NCOA4: variants seen among roughly 807,000 people sequenced by gnomAD.
NCOA4 encodes nuclear receptor coactivator 4, also known as 70 kDa AR-activator.
NCOA4 carries 31 observed loss-of-function variants against 69.5 expected under a neutral mutation model. That is an observed-to-expected ratio of 0.45 (90% CI 0.34 to 0.60). The LOEUF is 0.60. Among genes scored for constraint, NCOA4 ranks in the 20% least tolerant of loss-of-function variants. The pLI, the probability that NCOA4 is intolerant of heterozygous loss-of-function variation, is 0.02. For synonymous variants in NCOA4, 228 were observed against 252.4 expected (o/e 0.90, Z 0.92); for missense variants, 600 against 719.2 (o/e 0.83, Z 1.90).
At chr10:46,025,190 C>G (rs1425848760) in intron 1 of NCOA4, among the ~76,000 whole-genome samples, 2 of 152,184 alleles carry the variant, frequency 1.3e-5, no homozygotes, top group Non-Finnish European at 2.9e-5. Context: ...GCCAATGATA[C>G]AAGTCCTGAA....
chr10:46,006,207 A>C lies in NCOA4; in HGVS notation c.*385T>G, dbSNP rs571841348. ...CTGTAGGGCAATTAAACGTTAGGGAAGTTTACTAGCTTTAGAATACATCAA... is the reference window on the plus strand; with the variant it reads ...CTGTAGGGCAATTAAACGTTAGGGACGTTTACTAGCTTTAGAATACATCAA... On this transcript the variant is annotated 3_prime_UTR_variant, in exon 10 of 10. Transcript: ENST00000581486. The C allele has an allele frequency of 4.5e-4, 114 of 254,778 alleles. No homozygotes were observed. Among genetic ancestry groups the C allele is most frequent in the Non-Finnish European group, 7.6e-5 (10 of 131,714 alleles). The allele number at this position is 254,778 out of a possible 1,614,324, so 15.8% of individuals were successfully genotyped here.
chr10:46,014,870 A>G lies in NCOA4; in HGVS notation c.355T>C (p.Ser119Pro). Residue 119 changes from serine (S) to proline (P), a missense_variant, in exon 4 of 10, where the codon TCT (serine) becomes CCT (proline). Coordinates refer to ENST00000581486, the MANE Select transcript of NCOA4 (RefSeq NM_001145263.2). ...TQNKDLANQV[S>P]VCLERLGSLT... ...GGTCATTACCTCTCCAGGCACACAG[A>G]GACTTGATTGGCTAGATCTTTGTTT... is the stretch of plus-strand genomic sequence containing the variant. 6.2e-7 allele frequency: 1 copy of G among 1,614,042 alleles called. No individual in the cohort carries two copies. The highest frequency in any genetic ancestry group is 8.5e-7 in the Non-Finnish European group (1 of 1,179,896).
intron 9 of NCOA4, among the ~76,000 whole-genome samples, chr10:46,008,562 C>T (rs1229438688): frequency 3.9e-5 from 6 of 152,158 alleles, no homozygotes; most frequent in African/African-American, 7.2e-5. Flanking sequence ...TTGCTTCTTA[C>T]GGATGAGCAA....
At chr10:46,012,121 C>CAAAA (rs1839271327) in intron 7 of NCOA4, among the ~76,000 whole-genome samples, 3 of 100,146 alleles carry the variant, frequency 3.0e-5, no homozygotes, top group Admixed American at 1.0e-4. Flanking sequence ...AGAAAATACT[C>CAAAA]AACCTCCTTA....
rs1590141803 is a variant in NCOA4 at position 46,005,712 on chromosome 10, T to A, written c.*880A>T. On this transcript the variant is annotated 3_prime_UTR_variant, in exon 10 of 10. Transcript: ENST00000581486. ...TTTATCCCTACTTAAAAGCACCAGG[T>A]GTCAAGCTCAGCTTCCATTTACACA... 1 of 217,202 alleles carries A rather than the reference T, an allele frequency of 4.6e-6. No homozygotes were observed. The highest frequency in any genetic ancestry group is 2.3e-5 in the African/African-American group (1 of 44,424). 13.5% of individuals were successfully genotyped at this position (217,202 alleles called of 1,614,324 possible). A position where few individuals can be genotyped will look rare whatever the true frequency, so the allele number is the denominator to read the frequency against.
Position 46,011,500 on chromosome 10 carries a change from C to T in NCOA4, c.715-294G>A, listed in dbSNP as rs539335595. On this transcript the variant is annotated intron_variant, in intron 7 of 9. Coordinates refer to ENST00000581486, the MANE Select transcript of NCOA4 (RefSeq NM_001145263.2). ...CCGTGTTAGCCAGGATGGTCTCGAT[C>T]TCCTGACCTCGTGATCCGCCCACCT... 3.3e-5 allele frequency among the ~76,000 whole-genome samples: 5 copies of T among 151,144 alleles called. No individual in the cohort carries two copies. The East Asian group carries it at 1.0e-3, about 30-fold the overall frequency.
At chr10:46,021,493 TAGTGTATTATCAC>T (rs2132365165) in intron 1 of NCOA4, among the ~76,000 whole-genome samples, 1 of 152,316 alleles carries the variant, frequency 6.6e-6, no homozygotes, top group Admixed American at 6.5e-5. Context: ...GTTCTTCCTT[TAGTGTATTATCAC>T]CTGTAAAGTA....
Position 46,023,589 on chromosome 10 carries a change from G to A in NCOA4, c.-14-6895C>T, listed in dbSNP as rs550892945. 1,529 of 931,204 alleles carry A rather than the reference G, an allele frequency of 1.6e-3. 6 individuals are homozygous for A. The highest frequency in any genetic ancestry group is 4.2e-3 in the South Asian group (86 of 20,270). 57.7% of individuals were successfully genotyped at this position (931,204 alleles called of 1,614,324 possible). ...GCCCCCCTGCAGCTCCCTCCCCGCT[G>A]GGCCTCCCTGCTAGACGCCTGCTGC... is the stretch of plus-strand genomic sequence containing the variant. On this transcript the variant is annotated intron_variant, in intron 1 of 9. Coordinates refer to ENST00000581486, the MANE Select transcript of NCOA4 (RefSeq NM_001145263.2).
At chr10:46,018,861 C>T (rs1440539653) in intron 1 of NCOA4, among the ~76,000 whole-genome samples, 1 of 152,160 alleles carries the variant, frequency 6.6e-6, no homozygotes, top group African/African-American at 2.4e-5. Flanking sequence ...CCATTTCAGA[C>T]AAAGGAACTT....
intron 7 of NCOA4, 102 bp from the exon 8 acceptor site, chr10:46,011,308 C>G (rs1354163529): frequency 8.1e-7 from 1 of 1,241,322 alleles, no homozygotes; most frequent in Non-Finnish European, 1.1e-6. Flanking sequence ...CACTCTGTCG[C>G]CCAGGCTGGA....
Position 46,010,283 on chromosome 10 carries a change from C to T in NCOA4, c.1638G>A (p.Met546Ile), listed in dbSNP as rs1253089670. The T allele has an allele frequency of 6.2e-7, 1 of 1,613,772 alleles. No individual in the cohort carries two copies. ...TADWVLPGKK[M>I]GNLSQLSSGE... ...CAGAAGATAACTGGCTGAGGTTGCC[C>T]ATCTTCTTTCCTGGCAGGACCCAGT... The change falls in exon 8 of 10, where the codon ATG becomes ATA. Residue 546 changes from methionine to isoleucine, a missense_variant. Physicochemically the swap from Met to Ile is conservative, Grantham distance 10. Transcript: ENST00000581486.
chr10:46,005,952 G>A lies in NCOA4; in HGVS notation c.*640C>T, dbSNP rs1298459478. 1.4e-4 allele frequency: 29 copies of A among 205,718 alleles called. No individual in the cohort carries two copies. Among genetic ancestry groups the A allele is most frequent in the Admixed American group, 6.0e-5 (1 of 16,788 alleles). 12.7% of individuals were successfully genotyped at this position (205,718 alleles called of 1,614,324 possible). On this transcript the variant is annotated 3_prime_UTR_variant, in exon 10 of 10. Transcript: ENST00000581486. ...ACTGGATATTTTAATAACATTTACAGAAAGACAAAATTTGCAGTAGCTGAG... is the reference window on the plus strand; with the variant it reads ...ACTGGATATTTTAATAACATTTACAAAAAGACAAAATTTGCAGTAGCTGAG...
chr10:46,017,133 A>G (rs1368969479), intron 1 of NCOA4, among the ~76,000 whole-genome samples: 1 of 152,264 alleles, frequency 6.6e-6, no homozygotes, highest in East Asian at 1.9e-4. Flanking sequence ...AGCTGCAAAC[A>G]ATCAAGTTTA....
rs373872053 is a variant in NCOA4, at chr10:46,011,170, C to T, written c.751G>A (p.Gly251Arg). ...SRACNFFNNVGGNLKGLENWL... is the reference protein window; with the variant it reads ...SRACNFFNNVRGNLKGLENWL... ...TTTTCTAAGCCCTTTAGGTTTCCCC[C>T]GACATTATTGAAGAAATTGCAGGCT... Residue 251 changes from glycine to arginine, a missense_variant, in exon 8 of 10, where the codon GGG becomes AGG. Transcript: ENST00000581486. The T allele has an allele frequency of 5.4e-5, 86 of 1,600,202 alleles. 1 individual carries two copies. Among genetic ancestry groups the T allele is most frequent in the South Asian group, 4.4e-4 (39 of 88,710 alleles).
chr10:46,011,298 C>CA (rs2132323085), intron 7 of NCOA4, 92 bp from the exon 8 acceptor site: 1 of 1,306,200 alleles, frequency 7.7e-7, no homozygotes, highest in East Asian at 2.3e-5. Context: ...GAGACAGTCT[C>CA]ACTCTGTCGC....
intron 1 of NCOA4, among the ~76,000 whole-genome samples, chr10:46,028,847 G>T (rs1379311324): frequency 3.3e-5 from 5 of 152,032 alleles, no homozygotes; most frequent in Non-Finnish European, 2.9e-5. Flanking sequence ...ATAAGAGACT[G>T]AGTTCAAAGT....
At chr10:46,028,736 C>T (rs1177176459) in intron 1 of NCOA4, among the ~76,000 whole-genome samples, 3 of 152,016 alleles carry the variant, frequency 2.0e-5, no homozygotes, top group African/African-American at 2.4e-5. Flanking sequence ...TAAACTGACA[C>T]TACTGTGATA....
At position 46,015,207 on chromosome 10, in the gene NCOA4, C is replaced by A; in HGVS notation, c.201G>T (p.Glu67Asp). 6.2e-7 allele frequency: 1 copy of A among 1,614,100 alleles called. No homozygotes were observed. The highest frequency in any genetic ancestry group is 8.5e-7 in the Non-Finnish European group (1 of 1,179,986). The change falls in exon 3 of 10, where the codon GAG becomes GAT. Residue 67 changes from glutamate (E) to aspartate (D), a missense_variant. Glu to Asp is a conservative substitution (Grantham distance 45, BLOSUM62 2). Coordinates refer to ENST00000581486, the MANE Select transcript of NCOA4 (RefSeq NM_001145263.2). ...GGTCCACCTGTTCATACAGCCATAC[C>A]TCACGGCTTCTAAGACATTCCAGGT... ...SRHLECLRSR[E>D]VWLYEQVDLI...
chr10:46,015,840 G>A (rs1839509600), intron 2 of NCOA4, among the ~76,000 whole-genome samples: 1 of 152,124 alleles, frequency 6.6e-6, no homozygotes, highest in African/African-American at 2.4e-5. Context: ...AAGACCATTA[G>A]GGTAGACAAT....
Sources: gnomAD v4.1 joint callset for allele counts (sites outside exome capture counted in the v4.1 genomes callset) on GRCh38, gnomAD v4.1.1 for gene constraint, MANE v1.5 for transcripts, NCBI Gene and HGNC (gene_info 2026-07-23, HGNC 2026-07-21) for gene names.